GNA12: variants seen among roughly 807,000 people sequenced by gnomAD.
The protein encoded by GNA12 is G protein subunit alpha 12.
A neutral mutation model predicts 26.0 loss-of-function variants in GNA12; 9 were observed. The observed-to-expected ratio is 0.35, with a 90% CI of 0.21 to 0.60. GNA12 has a LOEUF of 0.60. Among genes scored for constraint, GNA12 ranks in the 20% least tolerant of loss-of-function variants. The pLI is 0.78. For missense variants in GNA12, 405 were observed against 525.8 expected (o/e 0.77, Z 2.25); for synonymous variants, 264 against 219.6 (o/e 1.20, Z -1.79).
intron 1 of GNA12, chr7:2,814,954 G>A (rs1279077335): frequency 3.2e-6 from 5 of 1,573,392 alleles, no homozygotes; most frequent in Non-Finnish European, 4.3e-6. Flanking sequence ...AATACAGTAG[G>A]CGCTCTGCAC....
chr7:2,780,048 G>GTGTGTA (rs748113158), intron 2 of GNA12, among the ~76,000 whole-genome samples: 17 of 84,728 alleles, frequency 2.0e-4, no homozygotes, highest in South Asian at 1.4e-3. Context: ...ACATTTCTGT[G>GTGTGTA]TACATATATA....
intron 2 of GNA12, among the ~76,000 whole-genome samples, chr7:2,790,258 T>C (rs1792483344): frequency 1.3e-5 from 2 of 152,198 alleles, no homozygotes; most frequent in African/African-American, 4.8e-5. Flanking sequence ...TTCAATTACA[T>C]ATTTTTTGAG....
At chr7:2,792,373 C>A (rs1348707850) in intron 2 of GNA12, among the ~76,000 whole-genome samples, 3 of 152,206 alleles carry the variant, frequency 2.0e-5, no homozygotes. Context: ...CGTGACAATA[C>A]AAGGGCTTGA....
At chr7:2,752,733 C>T (rs548558629) in intron 2 of GNA12, among the ~76,000 whole-genome samples, 4 of 151,646 alleles carry the variant, frequency 2.6e-5, no homozygotes, top group South Asian at 4.2e-4. Context: ...TTTTTTTTGC[C>T]GTAACTTTTC....
chr7:2,750,627 A>G (rs375953510), intron 2 of GNA12, among the ~76,000 whole-genome samples: 9 of 152,208 alleles, frequency 5.9e-5, no homozygotes, highest in East Asian at 1.9e-4. Context: ...ACTGTACTGT[A>G]TTCATCCCCT....
intron 2 of GNA12, among the ~76,000 whole-genome samples, chr7:2,764,064 G>A (rs1254273959): frequency 6.6e-6 from 1 of 152,030 alleles, no homozygotes; most frequent in African/African-American, 2.4e-5. Context: ...CTGATTGGTT[G>A]AGTATTTTTT....
At chr7:2,842,480 T>C (rs997226338) in intron 1 of GNA12, among the ~76,000 whole-genome samples, 3 of 152,192 alleles carry the variant, frequency 2.0e-5, no homozygotes, top group African/African-American at 7.2e-5. Flanking sequence ...TTCATTTTTG[T>C]GGCACTGAGG....
chr7:2,801,566 A>G (rs1026027555), intron 1 of GNA12, among the ~76,000 whole-genome samples: 6 of 152,186 alleles, frequency 3.9e-5, no homozygotes, highest in Non-Finnish European at 7.3e-5. Flanking sequence ...ACCCAACCAC[A>G]AGAAAAGACT....
chr7:2,828,308 T>C (rs900376470), intron 1 of GNA12, among the ~76,000 whole-genome samples: 5 of 152,216 alleles, frequency 3.3e-5, no homozygotes, highest in Admixed American at 2.0e-4. Flanking sequence ...AAAATAACTA[T>C]CACCAATGCA....
chr7:2,789,973 G>A (rs1176624157), intron 2 of GNA12, among the ~76,000 whole-genome samples: 1 of 152,206 alleles, frequency 6.6e-6, no homozygotes, highest in Non-Finnish European at 1.5e-5. Context: ...AGTTTGAGCT[G>A]GGGTTTCTGT....
intron 1 of GNA12, among the ~76,000 whole-genome samples, chr7:2,810,686 C>G (rs1286791248): frequency 6.6e-6 from 1 of 152,068 alleles, no homozygotes; most frequent in Non-Finnish European, 1.5e-5. Flanking sequence ...CACCTGAGGT[C>G]GAGACCAGCC....
intron 2 of GNA12, among the ~76,000 whole-genome samples, chr7:2,742,061 G>T (rs1422502304): frequency 1.3e-5 from 2 of 151,502 alleles, no homozygotes; most frequent in East Asian, 3.9e-4. Context: ...TCACCCTGTT[G>T]CCCAGGCTAG....
At chr7:2,841,792 G>A (rs1179550838) in intron 1 of GNA12, among the ~76,000 whole-genome samples, 1 of 152,200 alleles carries the variant, frequency 6.6e-6, no homozygotes, top group Non-Finnish European at 1.5e-5. Flanking sequence ...TTATGGGTAA[G>A]TGATACAAAT....
At chr7:2,795,322 A>C (rs1269532549) in intron 1 of GNA12, among the ~76,000 whole-genome samples, 179 bp from the exon 2 acceptor site, 1 of 152,202 alleles carries the variant, frequency 6.6e-6, no homozygotes, top group Non-Finnish European at 1.5e-5. Flanking sequence ...AACTCTCAGC[A>C]GTATAACCTC....
At chr7:2,767,614 T>TA (rs11420712) in intron 2 of GNA12, among the ~76,000 whole-genome samples, 36,751 of 152,132 alleles carry the variant, frequency 0.24, 5,142 homozygotes, top group Non-Finnish European at 0.29. Flanking sequence ...TCTTCTTATT[T>TA]AAAATCAACT....
intron 2 of GNA12, among the ~76,000 whole-genome samples, chr7:2,767,294 A>G (rs1182569404): frequency 2.0e-5 from 3 of 152,170 alleles, no homozygotes; most frequent in African/African-American, 7.2e-5. Flanking sequence ...TTGGTATCAT[A>G]CCCAAGAAAT....
intron 2 of GNA12, among the ~76,000 whole-genome samples, chr7:2,786,327 A>G (rs1792360292): frequency 6.6e-6 from 1 of 152,346 alleles, no homozygotes; most frequent in African/African-American, 2.4e-5. Context: ...AAATTGAAAA[A>G]AAGAAAAGGG....
chr7:2,780,655 T>C (rs1792203811), intron 2 of GNA12, among the ~76,000 whole-genome samples: 1 of 152,224 alleles, frequency 6.6e-6, no homozygotes, highest in South Asian at 2.1e-4. Context: ...ACACACTATA[T>C]GTACTCTTTT....
Position 2,728,463 on chromosome 7 carries a change from A to T in GNA12, c.*2718T>A, listed in dbSNP as rs1789720961. 6.6e-6 allele frequency: 1 copy of T among 152,364 alleles called. No homozygotes were observed. The highest frequency in any genetic ancestry group is 1.5e-5 in the Non-Finnish European group (1 of 68,038). The allele number at this position is 152,364 out of a possible 1,614,324, so 9.4% of individuals were successfully genotyped here. On this transcript the variant is annotated 3_prime_UTR_variant, in exon 4 of 4. Transcript: ENST00000275364. ...ACAGACCTATGACTCAAAATCCTTG[A>T]AACAATTTCTCTACGAACATAAGAG...
Sources: gnomAD v4.1 joint callset for allele counts (sites outside exome capture counted in the v4.1 genomes callset) on GRCh38, gnomAD v4.1.1 for gene constraint, MANE v1.5 for transcripts, NCBI Gene and HGNC (gene_info 2026-07-23, HGNC 2026-07-21) for gene names.